Variants in PCDH15 observed in about 807,000 individuals in gnomAD.
PCDH15 encodes protocadherin related 15, also known as protocadherin-15.
PCDH15 carries 129 observed loss-of-function variants against 178.5 expected under a neutral mutation model. The observed-to-expected ratio is 0.72, with a 90% confidence interval of 0.63 to 0.84. The LOEUF is 0.84. Ranked by LOEUF, PCDH15 falls within the 40% of genes least tolerant of loss-of-function variation. The probability of loss-of-function intolerance (pLI) is 0.00; values close to 1 mark genes in which losing one functional copy is unlikely to be tolerated. For synonymous variants in PCDH15, 800 were observed against 732.0 expected, an observed-to-expected ratio of 1.09 and a Z score of -1.50; for missense variants, 2,230 against 2,099.9, an observed-to-expected ratio of 1.06 and a Z score of -1.21.
At chr10:55,093,186 A>T (rs1842358657) in intron 2 of PCDH15, among the ~76,000 whole-genome samples, 2 of 152,116 alleles carry the variant, frequency 1.3e-5, no homozygotes, top group Admixed American at 6.6e-5. Flanking sequence ...CAATTTAAAT[A>T]AAAATATCCA....
chr10:55,522,122 T>C (rs924362793), intron 2 of PCDH15, among the ~76,000 whole-genome samples: 2 of 151,966 alleles, frequency 1.3e-5, no homozygotes, highest in East Asian at 1.9e-4. Flanking sequence ...GGAACTTCCA[T>C]ACTGTTTTCC....
intron 3 of PCDH15, among the ~76,000 whole-genome samples, chr10:54,854,001 C>T (rs1056054365): frequency 1.3e-5 from 2 of 152,206 alleles, no homozygotes; most frequent in East Asian, 3.9e-4. Flanking sequence ...TGCTACCAGC[C>T]TGGGTCCCAT....
chr10:55,363,384 T>C (rs998777211), intron 2 of PCDH15, among the ~76,000 whole-genome samples: 30 of 152,180 alleles, frequency 2.0e-4, no homozygotes, highest in African/African-American at 2.4e-5. Flanking sequence ...AATAGTCACA[T>C]ATAGTTTATG....
chr10:54,390,727 T>C (rs577579193), intron 3 of PCDH15, among the ~76,000 whole-genome samples: 5 of 152,318 alleles, frequency 3.3e-5, no homozygotes, highest in African/African-American at 9.6e-5. Flanking sequence ...ATGAAAAGAA[T>C]TGACATTAGC....
chr10:55,013,353 T>TA (rs1270829746), intron 2 of PCDH15, among the ~76,000 whole-genome samples: 1 of 152,152 alleles, frequency 6.6e-6, no homozygotes, highest in Non-Finnish European at 1.5e-5. Context: ...TTTCCTAAGA[T>TA]AAAAAACACA....
At chr10:54,930,015 T>A (rs2131851990) in intron 2 of PCDH15, among the ~76,000 whole-genome samples, 1 of 152,284 alleles carries the variant, frequency 6.6e-6, no homozygotes, top group East Asian at 1.9e-4. Context: ...CCTGTAAAAT[T>A]GAGCTGCAGA....
intron 2 of PCDH15, among the ~76,000 whole-genome samples, chr10:55,393,117 T>C (rs1837839830): frequency 6.6e-6 from 1 of 152,070 alleles, no homozygotes; most frequent in Non-Finnish European, 1.5e-5. Context: ...ATGATCATCA[T>C]GTTAGAATAA....
At chr10:54,329,491 A>G in intron 7 of PCDH15, 105 bp downstream of exon 7, 2 of 812,882 alleles carry the variant, frequency 2.5e-6, no homozygotes, top group East Asian at 2.5e-5. Context: ...TGCCCTGATG[A>G]AGAAGTGAGT....
chr10:54,352,128 T>C (rs1272098748), intron 5 of PCDH15, among the ~76,000 whole-genome samples: 11 of 152,128 alleles, frequency 7.2e-5, no homozygotes, highest in Admixed American at 7.2e-4. Context: ...ATGTGTCATA[T>C]CAACACAGAA....
chr10:55,350,197 T>C (rs1433072638), intron 2 of PCDH15, among the ~76,000 whole-genome samples: 1 of 146,678 alleles, frequency 6.8e-6, no homozygotes. Flanking sequence ...GGTGTGTATA[T>C]GTAGGGGTGA....
At chr10:55,256,343 G>A (rs1841998410) in intron 1 of PCDH15, among the ~76,000 whole-genome samples, 2 of 152,160 alleles carry the variant, frequency 1.3e-5, no homozygotes, top group African/African-American at 4.8e-5. Context: ...TGAGGTACCG[G>A]GTTCATCTCA....
At chr10:54,652,161 T>G (rs1191989705) in intron 2 of PCDH15, among the ~76,000 whole-genome samples, 1 of 152,198 alleles carries the variant, frequency 6.6e-6, no homozygotes, top group African/African-American at 2.4e-5. Context: ...AAAGGAATTA[T>G]CTGGTCACAT....
intron 2 of PCDH15, among the ~76,000 whole-genome samples, chr10:55,407,693 T>C (rs1244046248): frequency 5.9e-5 from 9 of 152,154 alleles, no homozygotes; most frequent in Admixed American, 5.2e-4. Context: ...TATATGCACA[T>C]GCACACAAAC....
chr10:54,748,938 C>T (rs1458548887), intron 1 of PCDH15, among the ~76,000 whole-genome samples: 1 of 152,186 alleles, frequency 6.6e-6, no homozygotes, highest in Non-Finnish European at 1.5e-5. Flanking sequence ...AACTCTCTTT[C>T]TTTGCTGAGC....
At chr10:54,313,741 A>G (rs983345524) in intron 8 of PCDH15, among the ~76,000 whole-genome samples, 1 of 152,068 alleles carries the variant, frequency 6.6e-6, no homozygotes, top group Non-Finnish European at 1.5e-5. Flanking sequence ...ATTCTATACA[A>G]CCTCTAGACA....
At chr10:53,815,195 T>C (rs1219254624) in intron 35 of PCDH15, among the ~76,000 whole-genome samples, 1 of 152,194 alleles carries the variant, frequency 6.6e-6, no homozygotes, top group Non-Finnish European at 1.5e-5. Context: ...TCATTTTTGC[T>C]GTCCACACAG....
intron 3 of PCDH15, among the ~76,000 whole-genome samples, chr10:54,872,918 G>T (rs1033847585): frequency 1.3e-5 from 2 of 152,038 alleles, no homozygotes; most frequent in Admixed American, 6.6e-5. Context: ...AGAGGTCACA[G>T]TGTTGAGGCA....
At chr10:54,907,135 G>T (rs1954738300) in intron 2 of PCDH15, among the ~76,000 whole-genome samples, 1 of 152,118 alleles carries the variant, frequency 6.6e-6, no homozygotes, top group Non-Finnish European at 1.5e-5. Flanking sequence ...GTAGGTCATT[G>T]ATGACTCAGC....
intron 2 of PCDH15, among the ~76,000 whole-genome samples, chr10:55,481,576 TGC>T (rs1840182259): frequency 6.6e-6 from 1 of 151,898 alleles, no homozygotes; most frequent in Non-Finnish European, 1.5e-5. Flanking sequence ...GATTTCTGCC[TGC>T]ATTTCATTAT....
Sources: gnomAD v4.1 joint callset for allele counts (sites outside exome capture counted in the v4.1 genomes callset) on GRCh38, gnomAD v4.1.1 for gene constraint, MANE v1.5 for transcripts, NCBI Gene and HGNC (gene_info 2026-07-23, HGNC 2026-07-21) for gene names.